The following TBC1D8 variants were observed in gnomAD, a reference collection of about 807,000 sequenced individuals.
TBC1D8 encodes the protein BUB2-like protein 1.
In TBC1D8, 65 loss-of-function variants were observed where a neutral mutation model predicts 118.8. That is an observed-to-expected ratio of 0.55 (90% CI 0.45 to 0.67). The LOEUF (loss-of-function observed/expected upper bound fraction) is 0.67. Among genes scored for constraint, TBC1D8 ranks in the 30% least tolerant of loss-of-function variants. TBC1D8 has a pLI of 0.00. For synonymous variants in TBC1D8, 566 were observed against 595.8 expected (o/e 0.95, Z 0.73); for missense variants, 1,376 against 1,471.2 (o/e 0.94, Z 1.06).
At chr2:101,118,964 G>A (rs895734666) in intron 1 of TBC1D8, among the ~76,000 whole-genome samples, 1 of 152,034 alleles carries the variant, frequency 6.6e-6, no homozygotes, top group South Asian at 2.1e-4. Flanking sequence ...GAGCTGTGAC[G>A]ACACCACTAC....
In TBC1D8 at chr2:101,054,662, C is replaced by CTTTTTTTTT. The variant is rs1682290047; in HGVS notation, c.403-327_403-326insAAAAAAAAA. 1.1e-4 allele frequency among the ~76,000 whole-genome samples: 4 copies of CTTTTTTTTT among 37,842 alleles called. 1 individual carries two copies. In the Admixed American group the frequency reaches 1.3e-3, roughly 12 times the overall value. 24.8% of individuals were successfully genotyped at this position (37,842 alleles called of 152,430 possible). A position where few individuals can be genotyped will look rare whatever the true frequency, so the allele number is the denominator to read the frequency against. On this transcript the variant is annotated intron_variant, in intron 3 of 19. Transcript: ENST00000409318. Reference sequence around the variant, plus strand: ...CGGTTCTCAAACAAACAATCATTTTCTTTTCTTTTCTTTTTTTTTTTTTTT... The same window carrying CTTTTTTTTT: ...CGGTTCTCAAACAAACAATCATTTTCTTTTTTTTTTTTTCTTTTCTTTTTTTTTTTTTTT...
At chr2:101,062,901 A>C (rs924280940) in intron 2 of TBC1D8, among the ~76,000 whole-genome samples, 2 of 152,144 alleles carry the variant, frequency 1.3e-5, no homozygotes, top group African/African-American at 2.4e-5. Context: ...TGGCCTCCCA[A>C]AGTGCTGGGA....
intron 18 of TBC1D8, 24 bp from the exon 19 acceptor site, chr2:101,011,050 G>A: frequency 1.2e-6 from 2 of 1,601,634 alleles, no homozygotes; most frequent in Non-Finnish European, 1.7e-6. Flanking sequence ...AAAACAATAT[G>A]TGGTTTAATT....
chr2:101,045,391 T>A (rs1055951825), intron 5 of TBC1D8, among the ~76,000 whole-genome samples: 2 of 152,212 alleles, frequency 1.3e-5, no homozygotes, highest in East Asian at 3.9e-4. Context: ...AAGAACCCTG[T>A]CTGAGCTACA....
chr2:101,116,539 A>T (rs1677825874), intron 1 of TBC1D8, among the ~76,000 whole-genome samples: 1 of 152,186 alleles, frequency 6.6e-6, no homozygotes, highest in African/African-American at 2.4e-5. Flanking sequence ...CTTCCAAAAA[A>T]GATACATTGA....
intron 8 of TBC1D8, among the ~76,000 whole-genome samples, chr2:101,036,673 A>G (rs1681034591): frequency 6.6e-6 from 1 of 152,336 alleles, no homozygotes; most frequent in East Asian, 1.9e-4. Context: ...GTTCTCATTA[A>G]CAGAAATGAG....
chr2:101,130,450 C>T (rs975697428), intron 1 of TBC1D8, among the ~76,000 whole-genome samples: 1 of 152,188 alleles, frequency 6.6e-6, no homozygotes, highest in Non-Finnish European at 1.5e-5. Context: ...AAGTTCCTCG[C>T]CCCAGTGCTT....
chr2:101,133,517 GGA>G (rs1485269551), intron 1 of TBC1D8, among the ~76,000 whole-genome samples: 2 of 152,118 alleles, frequency 1.3e-5, no homozygotes, highest in African/African-American at 4.8e-5. Context: ...CTGGAAGCTG[GGA>G]AATCCAAGAT....
chr2:101,090,128 C>A, intron 2 of TBC1D8, 81 bp downstream of exon 2: 2 of 1,474,976 alleles, frequency 1.4e-6, no homozygotes, highest in Non-Finnish European at 1.8e-6. Flanking sequence ...AAAGGGGTTA[C>A]CTTCAAGCTT....
At chr2:101,070,025 C>T (rs185828766) in intron 2 of TBC1D8, among the ~76,000 whole-genome samples, 2 of 151,712 alleles carry the variant, frequency 1.3e-5, no homozygotes, top group South Asian at 2.1e-4. Context: ...AGGCGATTCT[C>T]CTGCCTCAGT....
chr2:101,143,604 G>C (rs1679205275), intron 1 of TBC1D8, among the ~76,000 whole-genome samples: 1 of 152,156 alleles, frequency 6.6e-6, no homozygotes, highest in South Asian at 2.1e-4. Flanking sequence ...CCAATGTCCA[G>C]GCGGGAGTGC....
chr2:101,087,606 G>A (rs1675725078), intron 2 of TBC1D8, among the ~76,000 whole-genome samples: 1 of 145,654 alleles, frequency 6.9e-6, no homozygotes, highest in Non-Finnish European at 1.5e-5. Flanking sequence ...TTACAGCATT[G>A]CACTCCAGCC....
intron 11 of TBC1D8, 93 bp from the exon 12 acceptor site, chr2:101,029,869 A>C: frequency 7.4e-7 from 1 of 1,345,770 alleles, no homozygotes; most frequent in Non-Finnish European, 1.0e-6. Flanking sequence ...AACCAGAACA[A>C]AGAGATGGAA....
chr2:101,098,757 G>T (rs1676636420), intron 1 of TBC1D8, among the ~76,000 whole-genome samples: 1 of 152,122 alleles, frequency 6.6e-6, no homozygotes, highest in South Asian at 2.1e-4. Flanking sequence ...ATCTGTTCCT[G>T]AAAGACTCCT....
chr2:101,062,089 G>A (rs1008732326), intron 2 of TBC1D8, among the ~76,000 whole-genome samples: 20 of 152,168 alleles, frequency 1.3e-4, no homozygotes, highest in African/African-American at 4.3e-4. Context: ...CAGGTGTGTA[G>A]GTGTCAGCCA....
intron 1 of TBC1D8, among the ~76,000 whole-genome samples, chr2:101,105,593 A>T (rs1368370019): frequency 6.3e-5 from 6 of 95,118 alleles, no homozygotes; most frequent in Admixed American, 2.2e-4. Context: ...GTCTCAAATT[A>T]AAAAAAAAAA....
At chr2:101,130,708 T>C (rs1678555229) in intron 1 of TBC1D8, among the ~76,000 whole-genome samples, 1 of 152,214 alleles carries the variant, frequency 6.6e-6, no homozygotes, top group Non-Finnish European at 1.5e-5. Flanking sequence ...CAACCCCAGA[T>C]TAATCACTAG....
chr2:101,032,359 C>T lies in TBC1D8; in HGVS notation c.1845G>A (p.Leu615=). ...CQSMNILTSV[L]LLYTKEEEAF... is the part of the protein sequence containing the mutation. ...CTTCCTCCTCCTTGGTGTACAGCAGCAGCACGGAGGTCAGGATGTTCATGG... is the reference window on the plus strand; with the variant it reads ...CTTCCTCCTCCTTGGTGTACAGCAGTAGCACGGAGGTCAGGATGTTCATGG... The change falls in exon 11 of 20, where the codon CTG becomes CTA. Residue 615 remains leucine (L), a synonymous_variant. Transcript: ENST00000409318. The T allele has an allele frequency of 6.2e-7, 1 of 1,613,804 alleles. No homozygotes were observed. The highest frequency in any genetic ancestry group is 8.5e-7 in the Non-Finnish European group (1 of 1,179,726).
Position 101,027,372 on chromosome 2 carries a change from G to T in TBC1D8, c.2520+11C>A, listed in dbSNP as rs765883908. 1.2e-6 allele frequency: 2 copies of T among 1,612,588 alleles called. No individual in the cohort carries two copies. Among genetic ancestry groups the T allele is most frequent in the South Asian group, 1.1e-5 (1 of 91,022 alleles). On this transcript the variant is annotated intron_variant, in intron 15 of 19. Transcript: ENST00000409318. ...GGGCCTGGAACCCCTCATCTTCCCA[G>T]AGCTGCGTACCTTGAATAAGTCGTA... is the stretch of plus-strand genomic sequence containing the variant.
Sources: allele counts gnomAD v4.1 joint callset (sites outside exome capture counted in the v4.1 genomes callset), GRCh38; gene constraint gnomAD v4.1.1; transcripts MANE v1.5; gene names NCBI Gene and HGNC (gene_info 2026-07-23, HGNC 2026-07-21).